The following SCRG1 variants were observed in gnomAD, a reference collection of about 807,000 sequenced individuals.
SCRG1 encodes the protein stimulator of chondrogenesis 1, also known as scrapie-responsive protein 1.
SCRG1 carries 3 observed loss-of-function variants against 7.7 expected under a neutral mutation model. The ratio of observed to expected loss-of-function variants is 0.39; its 90% CI spans 0.18 to 1.01. The LOEUF is 1.01. Ranked by LOEUF, SCRG1 falls within the 50% of genes least tolerant of loss-of-function variation. The pLI, the probability that SCRG1 is intolerant of heterozygous loss-of-function variation, is 0.36. For missense variants in SCRG1, 110 were observed against 117.2 expected, an observed-to-expected ratio of 0.94 and a Z score of 0.28; for synonymous variants, 46 against 41.2, an observed-to-expected ratio of 1.12 and a Z score of -0.44.
At chr4:173,427,888 A>C in the SCRG1 span, among the ~76,000 whole-genome samples, 2 of 152,260 alleles carry the variant, frequency 1.3e-5, no homozygotes, top group African/African-American at 4.8e-5. Context: ...AGAACTACTT[A>C]ATACTTAGCA....
At chr4:173,485,074 T>C in the SCRG1 span, among the ~76,000 whole-genome samples, 2 of 12,148 alleles carry the variant, frequency 1.6e-4, no homozygotes, top group Non-Finnish European at 4.0e-4. Flanking sequence ...ATATATTATA[T>C]ATTATATAAT....
chr4:173,498,727 T>G, the SCRG1 span, among the ~76,000 whole-genome samples: 1 of 152,154 alleles, frequency 6.6e-6, no homozygotes, highest in Non-Finnish European at 1.5e-5. Flanking sequence ...TACATCTGTA[T>G]ATGTATGTAT....
chr4:173,419,939 G>A, the SCRG1 span: 3 of 748,210 alleles, frequency 4.0e-6, no homozygotes, highest in South Asian at 4.2e-5. Context: ...GACTATCATA[G>A]CCCCCTCTAT....
the SCRG1 span, among the ~76,000 whole-genome samples, chr4:173,451,685 TTGAGACAGAGTCTCGCTTTGTCACCCAG>T: frequency 3.0e-4 from 39 of 130,550 alleles, no homozygotes; most frequent in African/African-American, 9.9e-4. Context: ...TTTATTTATT[TTGAGACAGAGTCTCGCTTTGTCACCCAG>T]GCTGGAGTGC....
chr4:173,455,777 A>T, the SCRG1 span, among the ~76,000 whole-genome samples: 1 of 149,686 alleles, frequency 6.7e-6, no homozygotes, highest in Non-Finnish European at 1.5e-5. Flanking sequence ...AAAAAGGAAT[A>T]TATATTTTTC....
At chr4:173,502,270 C>T in the SCRG1 span, among the ~76,000 whole-genome samples, 1 of 151,958 alleles carries the variant, frequency 6.6e-6, no homozygotes, top group Non-Finnish European at 1.5e-5. This position sits in a 1 kb window ranked among gnomAD's most constrained non-coding sequence, Gnocchi z 4.6. Flanking sequence ...CCACATGGTC[C>T]GCGAATGGAA....
chr4:173,468,023 G>C, the SCRG1 span: 1 of 152,582 alleles, frequency 6.6e-6, no homozygotes, highest in Non-Finnish European at 1.5e-5. Flanking sequence ...GCCCATAAAA[G>C]TTGCCAATTT....
chr4:173,492,147 A>T, the SCRG1 span, among the ~76,000 whole-genome samples: 1 of 152,058 alleles, frequency 6.6e-6, no homozygotes, highest in Non-Finnish European at 1.5e-5. Flanking sequence ...TTTATTTTAA[A>T]TAAAAAAAAG....
chr4:173,447,256 T>G, the SCRG1 span, among the ~76,000 whole-genome samples: 1 of 152,178 alleles, frequency 6.6e-6, no homozygotes, highest in South Asian at 2.1e-4. Context: ...CTAGCTAGCT[T>G]TCTGGTCTCT....
chr4:173,512,464 G>A, the SCRG1 span, among the ~76,000 whole-genome samples: 1 of 152,218 alleles, frequency 6.6e-6, no homozygotes, highest in Non-Finnish European at 1.5e-5. Flanking sequence ...TGGATACTTA[G>A]CAACCCTCTC....
rs191982462 is a variant in SCRG1 at position 173,392,091 on chromosome 4, T to C, written c.-14-663A>G. ...GAACAAATAACATAATTGAATACAG[T>C]GGTTCTTTACCTTACATTATCTTAC... On this transcript the variant is annotated intron_variant, in intron 1 of 2. Transcript: ENST00000296506. Among the ~76,000 whole-genome samples the C allele has an allele frequency of 1.9e-3, 297 of 152,324 alleles. 1 individual carries two copies. Among genetic ancestry groups the C allele is most frequent in the African/African-American group, 6.9e-3 (285 of 41,568 alleles).
At chr4:173,483,080 A>G in the SCRG1 span, among the ~76,000 whole-genome samples, 2 of 87,586 alleles carry the variant, frequency 2.3e-5, no homozygotes, top group Non-Finnish European at 4.4e-5. Flanking sequence ...TATTTTATAT[A>G]TATTATATAA....
chr4:173,407,384 A>C (rs968504983), upstream of SCRG1, among the ~76,000 whole-genome samples: 2 of 151,760 alleles, frequency 1.3e-5, no homozygotes, highest in African/African-American at 4.8e-5. Context: ...AAAAAAAAAA[A>C]TTAGCCGCAC....
At chr4:173,395,477 C>T (rs1038242361) in intron 1 of SCRG1, among the ~76,000 whole-genome samples, 19 of 152,180 alleles carry the variant, frequency 1.2e-4, no homozygotes, top group African/African-American at 4.1e-4. Context: ...TTCAGCTAGC[C>T]GGGCAGTCAA....
chr4:173,497,083 G>T, the SCRG1 span, among the ~76,000 whole-genome samples: 1 of 152,132 alleles, frequency 6.6e-6, no homozygotes, highest in Non-Finnish European at 1.5e-5. Flanking sequence ...TCCAGCCTGG[G>T]CAACAGAGTG....
At chr4:173,466,248 G>C in the SCRG1 span, among the ~76,000 whole-genome samples, 1 of 152,136 alleles carries the variant, frequency 6.6e-6, no homozygotes, top group Non-Finnish European at 1.5e-5. Context: ...CAGCAGTGCT[G>C]GGTCTACAGT....
At chr4:173,448,069 A>T in the SCRG1 span, among the ~76,000 whole-genome samples, 4 of 152,180 alleles carry the variant, frequency 2.6e-5, no homozygotes, top group East Asian at 7.7e-4. Flanking sequence ...GTGCCACTGC[A>T]CTCCAGCCTG....
the SCRG1 span, among the ~76,000 whole-genome samples, chr4:173,486,391 C>T: frequency 1.3e-5 from 2 of 152,160 alleles, no homozygotes; most frequent in African/African-American, 4.8e-5. Flanking sequence ...TGACATAATG[C>T]CATCACAGCT....
chr4:173,468,089 A>G, the SCRG1 span: 1 of 152,666 alleles, frequency 6.6e-6, no homozygotes, highest in Non-Finnish European at 1.5e-5. Flanking sequence ...AAGCATATAC[A>G]GTCATGTGCC....
Sources: gnomAD v4.1 joint callset for allele counts (sites outside exome capture counted in the v4.1 genomes callset) on GRCh38, gnomAD v4.1.1 for gene constraint, Gnocchi (gnomAD v3.1) non-coding constraint, MANE v1.5 for transcripts, NCBI Gene and HGNC (gene_info 2026-07-23, HGNC 2026-07-21) for gene names.